The following NAV3 variants were observed in gnomAD, a reference collection of about 807,000 sequenced individuals.
NAV3 encodes the protein neuron navigator 3, also known as pore membrane and/or filament interacting like protein 1.
NAV3 carries 87 observed loss-of-function variants against 244.7 expected under a neutral mutation model. The observed-to-expected ratio is 0.36, with a 90% CI of 0.30 to 0.42. The LOEUF is 0.42. NAV3 is among the 20% of genes least tolerant of loss of function. The probability of loss-of-function intolerance (pLI) is 1.00; values close to 1 mark genes in which losing one functional copy is unlikely to be tolerated. For missense variants in NAV3, 2,663 were observed against 2,893.3 expected (o/e 0.92, Z 1.83); for synonymous variants, 1,126 against 1,042.2 (o/e 1.08, Z -1.55).
chr12:77,737,312 G>A (rs1185466837), intron 2 of NAV3, among the ~76,000 whole-genome samples: 2 of 150,664 alleles, frequency 1.3e-5, no homozygotes, highest in Non-Finnish European at 2.9e-5. Context: ...GCATAGAACA[G>A]TGTTTCTTAA....
At chr12:77,587,200 A>G (rs1306639479) in intron 2 of NAV3, among the ~76,000 whole-genome samples, 1 of 152,144 alleles carries the variant, frequency 6.6e-6, no homozygotes, top group Admixed American at 6.5e-5. Context: ...TGTTGAACTA[A>G]TGTGCAGACT....
intron 6 of NAV3, 74 bp from the exon 7 acceptor site, chr12:77,998,263 G>T: frequency 8.7e-7 from 1 of 1,144,546 alleles, no homozygotes; most frequent in South Asian, 2.4e-5. Flanking sequence ...GTAAATTTCT[G>T]ACTTTCAGCA....
chr12:78,083,351 G>A (rs1235772098), intron 12 of NAV3, among the ~76,000 whole-genome samples: 1 of 152,116 alleles, frequency 6.6e-6, no homozygotes, highest in Non-Finnish European at 1.5e-5. Flanking sequence ...TGCATTGGGG[G>A]TTAAATTTTA....
chr12:77,614,226 C>T (rs1455123238), intron 2 of NAV3, among the ~76,000 whole-genome samples: 1 of 151,810 alleles, frequency 6.6e-6, no homozygotes, highest in East Asian at 1.9e-4. Context: ...GCACAACCCT[C>T]CCGGTAGTGA....
intron 3 of NAV3, among the ~76,000 whole-genome samples, chr12:77,943,377 C>T (rs1210851548): frequency 6.6e-6 from 1 of 152,102 alleles, no homozygotes; most frequent in Non-Finnish European, 1.5e-5. Flanking sequence ...GGAATCATAT[C>T]GAATATTGAC....
intron 2 of NAV3, among the ~76,000 whole-genome samples, chr12:77,597,126 G>A (rs1413685740): frequency 6.6e-6 from 1 of 152,122 alleles, no homozygotes; most frequent in Non-Finnish European, 1.5e-5. Context: ...TAGGTATATA[G>A]TGATGTCTCA....
At chr12:78,206,461 TATATA>T (rs1231452095) in intron 39 of NAV3, among the ~76,000 whole-genome samples, 1 of 152,170 alleles carries the variant, frequency 6.6e-6, no homozygotes, top group Non-Finnish European at 1.5e-5. Context: ...CTGCAGTTTT[TATATA>T]ATATGTCTGT....
chr12:77,670,564 C>T (rs1383085389), intron 2 of NAV3, among the ~76,000 whole-genome samples: 3 of 152,072 alleles, frequency 2.0e-5, no homozygotes, highest in African/African-American at 7.2e-5. Flanking sequence ...CCAAATCTAA[C>T]AGCATATCAA....
intron 2 of NAV3, among the ~76,000 whole-genome samples, chr12:77,772,948 A>G (rs991749782): frequency 6.6e-6 from 1 of 152,300 alleles, no homozygotes; most frequent in East Asian, 1.9e-4. Flanking sequence ...AAATCTGGAC[A>G]TTTCAGTAGC....
Position 78,049,986 on chromosome 12 carries a change from T to C in NAV3, c.2024-7T>C. The C allele has an allele frequency of 1.9e-6, 3 of 1,594,526 alleles. No individual in the cohort carries two copies. Among genetic ancestry groups the C allele is most frequent in the Non-Finnish European group, 2.6e-6 (3 of 1,171,418 alleles). ...TGAATAGCAAATTTATCATATTGCT[T>C]TCCTAGGTGAAGACCCTGAAACAAG... On this transcript the variant is annotated splice_region_variant and splice_polypyrimidine_tract_variant and intron_variant, in intron 9 of 39. Coordinates refer to ENST00000397909, the MANE Select transcript of NAV3 (RefSeq NM_001024383.2).
chr12:77,664,697 TGTA>T (rs1159867342), intron 2 of NAV3, among the ~76,000 whole-genome samples: 1 of 152,142 alleles, frequency 6.6e-6, no homozygotes, highest in African/African-American at 2.4e-5. Context: ...TCAGTTAAAA[TGTA>T]GTATCTTAAC....
intron 2 of NAV3, among the ~76,000 whole-genome samples, chr12:77,572,719 T>C (rs1868885625): frequency 6.6e-6 from 1 of 152,246 alleles, no homozygotes; most frequent in African/African-American, 2.4e-5. Context: ...TTAGGCCTTC[T>C]GAATTATACA....
intron 2 of NAV3, among the ~76,000 whole-genome samples, chr12:77,660,479 C>G (rs1873384761): frequency 6.6e-6 from 1 of 151,928 alleles, no homozygotes; most frequent in Non-Finnish European, 1.5e-5. Flanking sequence ...TTTTATATTC[C>G]AAGTGTTTCT....
At chr12:78,058,378 G>T (rs548911026) in intron 11 of NAV3, among the ~76,000 whole-genome samples, 1 of 152,216 alleles carries the variant, frequency 6.6e-6, no homozygotes, top group South Asian at 2.1e-4. Flanking sequence ...ATCAGATCTC[G>T]TCAGACTTAC....
At chr12:77,657,184 G>A (rs1336460386) in intron 2 of NAV3, among the ~76,000 whole-genome samples, 1 of 145,596 alleles carries the variant, frequency 6.9e-6, no homozygotes, top group East Asian at 1.9e-4. Flanking sequence ...TTTTTGAAAG[G>A]ATCAACAAAA....
At chr12:77,760,540 T>G (rs1869408929) in intron 2 of NAV3, among the ~76,000 whole-genome samples, 1 of 152,224 alleles carries the variant, frequency 6.6e-6, no homozygotes, top group Non-Finnish European at 1.5e-5. Context: ...GTTTTTAATA[T>G]TAGTCTAGCT....
intron 34 of NAV3, among the ~76,000 whole-genome samples, chr12:78,192,595 T>G (rs1182844458): frequency 6.6e-6 from 1 of 151,592 alleles, no homozygotes; most frequent in East Asian, 2.0e-4. Context: ...TTATTTTTAG[T>G]AGAGACGGGG....
intron 5 of NAV3, among the ~76,000 whole-genome samples, chr12:77,986,942 T>A (rs1871326): frequency 0.099 from 15,041 of 152,182 alleles, 1,005 homozygotes; most frequent in East Asian, 0.3. Flanking sequence ...TAAATTATGT[T>A]CCACATTTAT....
intron 1 of NAV3, among the ~76,000 whole-genome samples, chr12:77,851,440 G>A (rs1877507808): frequency 6.6e-6 from 1 of 152,222 alleles, no homozygotes; most frequent in South Asian, 2.1e-4. Context: ...TTTTGTATTT[G>A]ATAGATAAAG....
Sources: gnomAD v4.1 joint callset for allele counts (sites outside exome capture counted in the v4.1 genomes callset) on GRCh38, gnomAD v4.1.1 for gene constraint, MANE v1.5 for transcripts, NCBI Gene and HGNC (gene_info 2026-07-23, HGNC 2026-07-21) for gene names.